The following ZFAND3 variants were observed in gnomAD, a reference collection of about 807,000 sequenced individuals.
ZFAND3 encodes the protein zinc finger AN1-type containing 3.
Under a neutral mutation model 29.6 loss-of-function variants are expected in ZFAND3, and 10 were observed. That is an observed-to-expected ratio of 0.34 (90% CI 0.21 to 0.57). The LOEUF (loss-of-function observed/expected upper bound fraction) is 0.57. ZFAND3 is among the 20% of genes least tolerant of loss of function. ZFAND3 has a pLI of 0.86. For missense variants in ZFAND3, 230 were observed against 304.5 expected, an observed-to-expected ratio of 0.76 and a Z score of 1.82; for synonymous variants, 128 against 112.6, an observed-to-expected ratio of 1.14 and a Z score of -0.87.
intron 1 of ZFAND3, among the ~76,000 whole-genome samples, chr6:37,896,198 CT>C (rs1765199916): frequency 6.6e-6 from 1 of 151,808 alleles, no homozygotes; most frequent in Non-Finnish European, 1.5e-5. Context: ...TTACAGTATC[CT>C]TTTTTTCTGA....
At chr6:38,107,025 A>G (rs1185862933) in intron 4 of ZFAND3, among the ~76,000 whole-genome samples, 2 of 152,202 alleles carry the variant, frequency 1.3e-5, no homozygotes, top group Admixed American at 1.3e-4. Context: ...GGTTTAAAAT[A>G]AGAATTTTAG....
At chr6:38,138,457 G>T (rs1765885425) in intron 5 of ZFAND3, among the ~76,000 whole-genome samples, 1 of 152,138 alleles carries the variant, frequency 6.6e-6, no homozygotes, top group Non-Finnish European at 1.5e-5. Context: ...CCAACTGCTG[G>T]GAGGGGGACG....
At chr6:37,970,774 G>A (rs1462606985) in intron 2 of ZFAND3, among the ~76,000 whole-genome samples, 3 of 152,044 alleles carry the variant, frequency 2.0e-5, no homozygotes, top group Non-Finnish European at 4.4e-5. Flanking sequence ...CCGTGGTGGC[G>A]GGCGCCTGTA....
chr6:37,951,140 G>C (rs1479704495), intron 2 of ZFAND3, among the ~76,000 whole-genome samples: 1 of 152,120 alleles, frequency 6.6e-6, no homozygotes, highest in Non-Finnish European at 1.5e-5. Flanking sequence ...GACTACTATA[G>C]AAATGGGATT....
At chr6:38,041,527 G>A (rs188983208) in intron 2 of ZFAND3, among the ~76,000 whole-genome samples, 2 of 151,074 alleles carry the variant, frequency 1.3e-5, no homozygotes, top group Admixed American at 6.6e-5. Context: ...AATTTCTATT[G>A]TTATTACTAT....
At chr6:37,917,848 G>A (rs1472693139) in intron 1 of ZFAND3, among the ~76,000 whole-genome samples, 1 of 151,884 alleles carries the variant, frequency 6.6e-6, no homozygotes, top group Non-Finnish European at 1.5e-5. Flanking sequence ...ATTGATGTAA[G>A]GTATAAAATG....
chr6:38,150,550 A>C (rs1444405592), intron 5 of ZFAND3, among the ~76,000 whole-genome samples: 1 of 152,220 alleles, frequency 6.6e-6, no homozygotes, highest in Non-Finnish European at 1.5e-5. Flanking sequence ...AATATAGGTG[A>C]AGTTAATCTT....
At chr6:38,008,815 A>G (rs1435646817) in intron 2 of ZFAND3, among the ~76,000 whole-genome samples, 1 of 152,164 alleles carries the variant, frequency 6.6e-6, no homozygotes, top group Admixed American at 6.5e-5. Context: ...TGTAAGACCT[A>G]GTTGAAGAGT....
chr6:38,147,141 C>A (rs532972080), intron 5 of ZFAND3, among the ~76,000 whole-genome samples: 16 of 152,246 alleles, frequency 1.1e-4, no homozygotes, highest in African/African-American at 3.9e-4. Flanking sequence ...TCTCTTCATC[C>A]TCCTCCCTCT....
chr6:38,059,769 C>T (rs1483191646), intron 2 of ZFAND3, among the ~76,000 whole-genome samples: 1 of 151,898 alleles, frequency 6.6e-6, no homozygotes, highest in Non-Finnish European at 1.5e-5. Flanking sequence ...CCCAGCTACT[C>T]GGGGGCTGAG....
Position 38,153,208 on chromosome 6 carries a change from C to G in ZFAND3, c.*819C>G, listed in dbSNP as rs1183781200. On this transcript the variant is annotated 3_prime_UTR_variant, in exon 6 of 6. Coordinates refer to ENST00000287218, the MANE Select transcript of ZFAND3 (RefSeq NM_021943.3). ...ACGGACCAGATGTGGCGAATGGCAG[C>G]ACAGCGCGGTGGCTGGGTCTGCACA... 2.0e-6 allele frequency: 2 copies of G among 985,384 alleles called. No individual in the cohort carries two copies. Among genetic ancestry groups the G allele is most frequent in the Non-Finnish European group, 2.4e-6 (2 of 829,960 alleles). The allele number at this position is 985,384 out of a possible 1,614,324, so 61.0% of individuals were successfully genotyped here.
At chr6:37,882,617 AC>A in intron 1 of ZFAND3, among the ~76,000 whole-genome samples, 1 of 115,620 alleles carries the variant, frequency 8.6e-6, no homozygotes, top group Non-Finnish European at 1.8e-5. Context: ...AATCCCCACC[AC>A]CCCCATTTGT....
At chr6:37,891,424 C>CCG (rs1765098888) in intron 1 of ZFAND3, among the ~76,000 whole-genome samples, 1 of 143,820 alleles carries the variant, frequency 7.0e-6, no homozygotes, top group Non-Finnish European at 1.5e-5. Flanking sequence ...AGTCCCCCCC[C>CCG]CCGCCTTTAA....
intron 1 of ZFAND3, among the ~76,000 whole-genome samples, chr6:37,833,748 C>G (rs1471071523): frequency 6.7e-6 from 1 of 148,288 alleles, no homozygotes; most frequent in Non-Finnish European, 1.5e-5. Flanking sequence ...ATCACTTGAA[C>G]CTGGGAGGTG....
chr6:37,902,093 C>CAAAGGGTAAAA (rs1207482548), intron 1 of ZFAND3, among the ~76,000 whole-genome samples: 1 of 151,934 alleles, frequency 6.6e-6, no homozygotes, highest in Non-Finnish European at 1.5e-5. Flanking sequence ...ATACTGCCTG[C>CAAAGGGTAAAA]AAAGGGTAAA....
Position 38,152,784 on chromosome 6 carries a change from G to A in ZFAND3, c.*395G>A, listed in dbSNP as rs975304737. On this transcript the variant is annotated 3_prime_UTR_variant, in exon 6 of 6. Transcript: ENST00000287218. ...GTGTTAAAGTTCCCACGACGCACAT[G>A]GCTTTGCCAGAAACTCTGTTTAATG... is the stretch of plus-strand genomic sequence containing the variant. The A allele has an allele frequency of 1.1e-5, 11 of 990,802 alleles. No individual in the cohort carries two copies. The African/African-American group carries it at 1.7e-4, about 16-fold the overall frequency. The allele number at this position is 990,802 out of a possible 1,614,324, so 61.4% of individuals were successfully genotyped here. A position where few individuals can be genotyped will look rare whatever the true frequency, so the allele number is the denominator to read the frequency against.
intron 1 of ZFAND3, among the ~76,000 whole-genome samples, chr6:37,885,238 T>C (rs1764968705): frequency 6.6e-6 from 1 of 152,216 alleles, no homozygotes. Context: ...TAAAGGTCTC[T>C]ATTGAGGTGA....
Position 38,153,372 on chromosome 6 carries a change from C to T in ZFAND3, c.*983C>T. The T allele has an allele frequency of 3.0e-6, 3 of 985,530 alleles. No individual in the cohort carries two copies. Among genetic ancestry groups the T allele is most frequent in the Non-Finnish European group, 3.6e-6 (3 of 829,976 alleles). 61.0% of individuals were successfully genotyped at this position (985,530 alleles called of 1,614,324 possible). A position where few individuals can be genotyped will look rare whatever the true frequency, so the allele number is the denominator to read the frequency against. On this transcript the variant is annotated 3_prime_UTR_variant, in exon 6 of 6. Transcript: ENST00000287218. ...GCTCTGCCCCTTCCAGCTGGAGCCG[C>T]CCGTGCCTCCAGGGGCCAAGAGGAT...
At chr6:38,061,846 C>T in intron 3 of ZFAND3, 71 bp downstream of exon 3, 1 of 1,522,126 alleles carries the variant, frequency 6.6e-7, no homozygotes, top group South Asian at 1.2e-5. Flanking sequence ...CTTGGTAATG[C>T]CTGACCCCAG....
Sources: gnomAD v4.1 joint callset for allele counts (sites outside exome capture counted in the v4.1 genomes callset) on GRCh38, gnomAD v4.1.1 for gene constraint, MANE v1.5 for transcripts, NCBI Gene and HGNC (gene_info 2026-07-23, HGNC 2026-07-21) for gene names.